PRR5L: variants seen among roughly 807,000 people sequenced by gnomAD.
PRR5L encodes proline-rich protein 5-like.
In PRR5L, 21 loss-of-function variants were observed where a neutral mutation model predicts 36.4. That is an observed-to-expected ratio of 0.58 (90% CI 0.41 to 0.83). The LOEUF (loss-of-function observed/expected upper bound fraction) is 0.83, where lower values mean the gene tolerates loss of function less well. PRR5L is among the 40% of genes least tolerant of loss of function. The pLI, the probability that PRR5L is intolerant of heterozygous loss-of-function variation, is 0.00. For missense variants in PRR5L, 381 were observed against 473.3 expected, an observed-to-expected ratio of 0.80 and a Z score of 1.81; for synonymous variants, 188 against 197.0, an observed-to-expected ratio of 0.95 and a Z score of 0.38.
At chr11:36,400,905 C>T (rs373713837) in intron 1 of PRR5L, 92 bp from the exon 2 acceptor site, 29 of 1,039,894 alleles carry the variant, frequency 2.8e-5, no homozygotes, top group East Asian at 1.8e-4. Flanking sequence ...CAGTTGTTTT[C>T]GGGGTAGTTA....
At chr11:36,433,632 C>T (rs1858546111) in intron 5 of PRR5L, among the ~76,000 whole-genome samples, 1 of 152,174 alleles carries the variant, frequency 6.6e-6, no homozygotes, top group Non-Finnish European at 1.5e-5. Context: ...TCACTGCAAC[C>T]TCCACCTCCC....
chr11:36,376,788 G>C, intron 1 of PRR5L: 1 of 927,110 alleles, frequency 1.1e-6, no homozygotes, highest in South Asian at 4.9e-5. Flanking sequence ...AAATTACCGC[G>C]CGCTAATCTG....
At chr11:36,324,432 G>T (rs1224849907) in intron 1 of PRR5L, among the ~76,000 whole-genome samples, 1 of 152,150 alleles carries the variant, frequency 6.6e-6, no homozygotes, top group East Asian at 1.9e-4. Context: ...GGAGGTGCTG[G>T]AAACGCTCTA....
intron 4 of PRR5L, among the ~76,000 whole-genome samples, chr11:36,421,122 G>C (rs1227862211): frequency 6.6e-6 from 1 of 152,180 alleles, no homozygotes; most frequent in Non-Finnish European, 1.5e-5. Flanking sequence ...GCTAACTACA[G>C]AGAAGTGGTT....
chr11:36,460,756 G>A (rs1007750370), intron 8 of PRR5L, among the ~76,000 whole-genome samples: 42 of 152,244 alleles, frequency 2.8e-4, no homozygotes, highest in Non-Finnish European at 5.9e-4. Context: ...GACCTTCGAT[G>A]TTAACTGCGT....
intron 1 of PRR5L, among the ~76,000 whole-genome samples, chr11:36,300,515 A>G (rs546897134): frequency 6.6e-6 from 1 of 152,256 alleles, no homozygotes; most frequent in Non-Finnish European, 1.5e-5. Flanking sequence ...AGAGGAGACA[A>G]ACATTCAAAC....
intron 1 of PRR5L, among the ~76,000 whole-genome samples, chr11:36,351,959 T>A (rs900101008): frequency 6.6e-6 from 1 of 151,644 alleles, no homozygotes; most frequent in African/African-American, 2.4e-5. Context: ...GATTATTAGA[T>A]CAAATGGTAG....
intron 1 of PRR5L, among the ~76,000 whole-genome samples, chr11:36,364,836 T>G (rs1484054639): frequency 6.6e-6 from 1 of 152,186 alleles, no homozygotes; most frequent in Non-Finnish European, 1.5e-5. Context: ...AGGTGTGACG[T>G]CGGGCAATTT....
chr11:36,393,816 T>C (rs1393478969), intron 1 of PRR5L: 2 of 152,232 alleles, frequency 1.3e-5, no homozygotes, highest in African/African-American at 4.8e-5. Flanking sequence ...GAACATGGAA[T>C]GTCTTTCCAT....
At chr11:36,454,386 G>T (rs113915923) in intron 8 of PRR5L, among the ~76,000 whole-genome samples, 3 of 152,136 alleles carry the variant, frequency 2.0e-5, no homozygotes, top group African/African-American at 4.8e-5. Context: ...CAGGGCCTCC[G>T]TCTACCCCTT....
At chr11:36,359,625 G>A (rs1241755542) in intron 1 of PRR5L, among the ~76,000 whole-genome samples, 1 of 152,210 alleles carries the variant, frequency 6.6e-6, no homozygotes, top group Non-Finnish European at 1.5e-5. Flanking sequence ...ATACAGACAT[G>A]ATGATTCCAG....
At chr11:36,461,382 G>A (rs963464790) in intron 8 of PRR5L, among the ~76,000 whole-genome samples, 1 of 152,156 alleles carries the variant, frequency 6.6e-6, no homozygotes, top group African/African-American at 2.4e-5. Context: ...CAGCACTTTG[G>A]GAGGCTGAGG....
intron 1 of PRR5L, among the ~76,000 whole-genome samples, chr11:36,355,404 C>G (rs1283407124): frequency 1.3e-5 from 2 of 152,174 alleles, no homozygotes; most frequent in Non-Finnish European, 2.9e-5. Flanking sequence ...CACCAAGACT[C>G]TGTGAACTAG....
intron 1 of PRR5L, among the ~76,000 whole-genome samples, chr11:36,378,435 A>T (rs570981659): frequency 6.6e-6 from 1 of 152,294 alleles, no homozygotes; most frequent in African/African-American, 2.4e-5. Flanking sequence ...AGTTGTCTTC[A>T]GTTTTTCCAA....
chr11:36,458,396 T>C (rs1324909127), intron 8 of PRR5L, among the ~76,000 whole-genome samples: 2 of 152,194 alleles, frequency 1.3e-5, no homozygotes, highest in Non-Finnish European at 2.9e-5. Context: ...TGGAGGGAGA[T>C]TGGGACTAAA....
intron 1 of PRR5L, among the ~76,000 whole-genome samples, chr11:36,350,226 T>TG (rs1240836801): frequency 2.2e-5 from 3 of 135,558 alleles, no homozygotes; most frequent in Admixed American, 1.5e-4. Context: ...TGGGTGTGTG[T>TG]GGGGGGTATA....
At chr11:36,435,804 C>T (rs1858593678) in intron 5 of PRR5L, among the ~76,000 whole-genome samples, 1 of 152,182 alleles carries the variant, frequency 6.6e-6, no homozygotes, top group Non-Finnish European at 1.5e-5. Context: ...AACCTCCTTC[C>T]ACTCACCAGC....
At chr11:36,443,224 G>T (rs892702402) in intron 6 of PRR5L, among the ~76,000 whole-genome samples, 9 of 152,194 alleles carry the variant, frequency 5.9e-5, no homozygotes, top group African/African-American at 2.2e-4. Context: ...CACATGATGA[G>T]AGAAGGAAGC....
chr11:36,464,402 T>C lies in PRR5L; in HGVS notation c.*1666T>C, dbSNP rs1395581218. The C allele has an allele frequency of 6.6e-6, 1 of 152,226 alleles. No homozygotes were observed. Among genetic ancestry groups the C allele is most frequent in the Non-Finnish European group, 1.5e-5 (1 of 68,032 alleles). The allele number at this position is 152,226 out of a possible 1,614,324, so 9.4% of individuals were successfully genotyped here. On this transcript the variant is annotated 3_prime_UTR_variant, in exon 9 of 9. Transcript: ENST00000530639. Reference sequence around the variant, plus strand: ...AGATTTGAAATATGATTGATTAGAATTGTGCTCTTGATGGCTGGGAATTTA... The same window carrying C: ...AGATTTGAAATATGATTGATTAGAACTGTGCTCTTGATGGCTGGGAATTTA...
Sources: allele counts gnomAD v4.1 joint callset (sites outside exome capture counted in the v4.1 genomes callset), GRCh38; gene constraint gnomAD v4.1.1; transcripts MANE v1.5; gene names NCBI Gene and HGNC (gene_info 2026-07-23, HGNC 2026-07-21).